FGF7: variants seen among roughly 807,000 people sequenced by gnomAD.
FGF7 encodes the protein FGF-7.
In FGF7, 6 loss-of-function variants were observed where a neutral mutation model predicts 20.5. That is an observed-to-expected ratio of 0.29 (90% CI 0.16 to 0.58). The LOEUF (loss-of-function observed/expected upper bound fraction) is 0.58, where lower values mean the gene tolerates loss of function less well. FGF7 is among the 20% of genes least tolerant of loss of function. FGF7 has a pLI of 0.90. For synonymous variants in FGF7, 64 were observed against 74.7 expected (o/e 0.86, Z 0.74); for missense variants, 144 against 228.8 (o/e 0.63, Z 2.39).
At chr15:49,434,537 A>C (rs1049220442) in intron 2 of FGF7, 1 of 151,528 alleles carries the variant, frequency 6.6e-6, no homozygotes, top group African/African-American at 2.4e-5. Flanking sequence ...TAGAGGACAG[A>C]TGTATTATCC....
At chr15:49,427,683 G>C (rs1037009820) in intron 2 of FGF7, among the ~76,000 whole-genome samples, 1 of 151,926 alleles carries the variant, frequency 6.6e-6, no homozygotes, top group Non-Finnish European at 1.5e-5. Flanking sequence ...GGCTTCAGAG[G>C]ACTACTCACT....
intron 2 of FGF7, among the ~76,000 whole-genome samples, chr15:49,428,146 C>G (rs2050286877): frequency 1.3e-5 from 2 of 151,850 alleles, no homozygotes; most frequent in African/African-American, 2.4e-5. Flanking sequence ...ATTTCTGACT[C>G]TTGAGGGGAC....
chr15:49,484,060 C>T (rs2056187268), intron 3 of FGF7, among the ~76,000 whole-genome samples: 1 of 151,908 alleles, frequency 6.6e-6, no homozygotes, highest in South Asian at 2.1e-4. Context: ...CATGAACTTC[C>T]AAAAAGCTAC....
intron 2 of FGF7, among the ~76,000 whole-genome samples, chr15:49,439,745 C>T (rs1485223395): frequency 6.6e-6 from 1 of 151,630 alleles, no homozygotes; most frequent in Non-Finnish European, 1.5e-5. Context: ...AGGGAGGAAA[C>T]CTTATACCAT....
intron 2 of FGF7, among the ~76,000 whole-genome samples, chr15:49,477,619 G>A (rs143434320): frequency 0.017 from 2,572 of 152,188 alleles, 34 homozygotes; most frequent in Middle Eastern, 0.037. Flanking sequence ...TTGATGATAC[G>A]AATAAAGCTT....
chr15:49,439,328 G>C (rs1430988043), intron 2 of FGF7, among the ~76,000 whole-genome samples: 1 of 151,628 alleles, frequency 6.6e-6, no homozygotes, highest in Non-Finnish European at 1.5e-5. Flanking sequence ...GGGAGGCAGA[G>C]AGAGAGAGAA....
At chr15:49,447,996 A>G (rs940517977) in intron 2 of FGF7, among the ~76,000 whole-genome samples, 4 of 151,716 alleles carry the variant, frequency 2.6e-5, no homozygotes, top group African/African-American at 4.8e-5. Flanking sequence ...GCTGCTCCAG[A>G]TATCTTTTGA....
rs2056478148 is a variant in FGF7, at chr15:49,487,321, A to G, written c.*2817A>G. On this transcript the variant is annotated 3_prime_UTR_variant, in exon 4 of 4. Transcript: ENST00000267843. ...AAATTAAATACATGAGTTTCTAACAATTAGAAAAGAAAAAATTAAAACATG... is the reference window on the plus strand; with the variant it reads ...AAATTAAATACATGAGTTTCTAACAGTTAGAAAAGAAAAAATTAAAACATG... 3 of 152,130 alleles carry G rather than the reference A, an allele frequency of 2.0e-5. No individual in the cohort carries two copies. Among genetic ancestry groups the G allele is most frequent in the South Asian group, 4.1e-4 (2 of 4,822 alleles). The allele number at this position is 152,130 out of a possible 1,614,324, so 9.4% of individuals were successfully genotyped here.
At chr15:49,474,152 C>T (rs73400247) in intron 2 of FGF7, among the ~76,000 whole-genome samples, 3,978 of 152,124 alleles carry the variant, frequency 0.026, 188 homozygotes, top group African/African-American at 0.092. Flanking sequence ...CATTTATGGT[C>T]TATATCAAGG....
intron 2 of FGF7, among the ~76,000 whole-genome samples, chr15:49,444,547 T>C (rs2051999145): frequency 6.6e-6 from 1 of 151,810 alleles, no homozygotes; most frequent in African/African-American, 2.4e-5. Context: ...TACATTCAGT[T>C]AAAACGTTAT....
intron 2 of FGF7, among the ~76,000 whole-genome samples, chr15:49,452,036 A>G (rs1009012815): frequency 3.9e-5 from 6 of 152,120 alleles, no homozygotes; most frequent in African/African-American, 1.4e-4. Context: ...ATTTGATTCA[A>G]TACCAACCAG....
intron 2 of FGF7, among the ~76,000 whole-genome samples, chr15:49,472,068 G>A (rs2054833080): frequency 6.6e-6 from 1 of 150,530 alleles, no homozygotes; most frequent in Non-Finnish European, 1.5e-5. Flanking sequence ...ATTAACAACA[G>A]TGTTGAAAAT....
At chr15:49,458,748 T>C (rs1194703727) in intron 2 of FGF7, among the ~76,000 whole-genome samples, 2 of 152,148 alleles carry the variant, frequency 1.3e-5, no homozygotes, top group East Asian at 3.9e-4. Flanking sequence ...TGGATATTTC[T>C]GAAGTTCCTA....
At chr15:49,436,401 A>G (rs547775822) in intron 2 of FGF7, among the ~76,000 whole-genome samples, 1 of 151,612 alleles carries the variant, frequency 6.6e-6, no homozygotes, top group Non-Finnish European at 1.5e-5. Context: ...TAAACCTTCC[A>G]GCTTTCCTTT....
At chr15:49,425,586 G>A (rs542185078) in intron 2 of FGF7, 1 of 151,848 alleles carries the variant, frequency 6.6e-6, no homozygotes, top group South Asian at 2.1e-4. Flanking sequence ...TGGGGAGACT[G>A]GTGTAAACAT....
chr15:49,470,417 T>G (rs570918288), intron 2 of FGF7, among the ~76,000 whole-genome samples: 1 of 152,342 alleles, frequency 6.6e-6, no homozygotes, highest in South Asian at 2.1e-4. Context: ...ACAATTTCAC[T>G]GTGGATCTAG....
chr15:49,438,200 G>C (rs2151822886), intron 2 of FGF7, among the ~76,000 whole-genome samples: 2 of 151,728 alleles, frequency 1.3e-5, no homozygotes, highest in African/African-American at 4.8e-5. Flanking sequence ...TTACCCATAG[G>C]CTATAAGGAG....
chr15:49,487,430 T>C lies in FGF7; in HGVS notation c.*2926T>C, dbSNP rs1351407609. 6.6e-6 allele frequency: 1 copy of C among 151,592 alleles called. No individual in the cohort carries two copies. Among genetic ancestry groups the C allele is most frequent in the Non-Finnish European group, 1.5e-5 (1 of 67,854 alleles). 9.4% of individuals were successfully genotyped at this position (151,592 alleles called of 1,614,324 possible). ...ATAAGCCATAATATAAATTATAATATAAAAAATAAAAACCATAGTATAAAT... is the reference window on the plus strand; with the variant it reads ...ATAAGCCATAATATAAATTATAATACAAAAAATAAAAACCATAGTATAAAT... On this transcript the variant is annotated 3_prime_UTR_variant, in exon 4 of 4. Coordinates refer to ENST00000267843, the MANE Select transcript of FGF7 (RefSeq NM_002009.4).
At chr15:49,451,951 A>C (rs2052788717) in intron 2 of FGF7, among the ~76,000 whole-genome samples, 1 of 152,136 alleles carries the variant, frequency 6.6e-6, no homozygotes, top group Admixed American at 6.6e-5. Flanking sequence ...GTGTTTAATA[A>C]CTAGTGAAAA....
Sources: allele counts gnomAD v4.1 joint callset (sites outside exome capture counted in the v4.1 genomes callset), GRCh38; gene constraint gnomAD v4.1.1; transcripts MANE v1.5; gene names NCBI Gene and HGNC (gene_info 2026-07-23, HGNC 2026-07-21).